NR1I2: variants seen among roughly 807,000 people sequenced by gnomAD.
NR1I2 encodes nuclear receptor subfamily 1 group I member 2.
A neutral mutation model predicts 43.3 loss-of-function variants in NR1I2; 42 were observed. The observed-to-expected ratio is 0.97, with a 90% CI of 0.76 to 1.26. The LOEUF is 1.26. Ranked by LOEUF, NR1I2 falls within the 50% of genes most tolerant of loss-of-function variation. NR1I2 has a pLI of 0.00. For synonymous variants in NR1I2, 229 were observed against 215.0 expected (o/e 1.06, Z -0.57); for missense variants, 559 against 566.7 (o/e 0.99, Z 0.14).
At chr3:119,804,090 GGC>G (rs549929295) in intron 1 of NR1I2, among the ~76,000 whole-genome samples, 63 of 150,050 alleles carry the variant, frequency 4.2e-4, no homozygotes, top group Middle Eastern at 3.4e-3. Context: ...TACATTTAAT[GGC>G]CAGGCACGGT....
At chr3:119,813,392 T>A (rs187382117) in intron 5 of NR1I2, among the ~76,000 whole-genome samples, 93 of 151,824 alleles carry the variant, frequency 6.1e-4, no homozygotes, top group African/African-American at 2.2e-3. Flanking sequence ...GGAGGGCGGG[T>A]GGTCCTCAGA....
chr3:119,809,978 G>A, intron 2 of NR1I2, 83 bp from the exon 3 acceptor site: 2 of 1,572,910 alleles, frequency 1.3e-6, no homozygotes, highest in East Asian at 2.3e-5. Context: ...AGGGGCTGGG[G>A]AGGGAGGTGG....
At chr3:119,792,085 A>AT in intron 1 of NR1I2, 1 of 753,652 alleles carries the variant, frequency 1.3e-6, no homozygotes, top group Non-Finnish European at 2.5e-6. Context: ...CAGAATGTCA[A>AT]TATCATTCCG....
intron 1 of NR1I2, among the ~76,000 whole-genome samples, chr3:119,796,954 C>CTA (rs1385670749): frequency 2.0e-5 from 3 of 152,204 alleles, no homozygotes; most frequent in South Asian, 2.1e-4. Flanking sequence ...GTGGCAAGGG[C>CTA]TAGGACATGG....
chr3:119,784,324 C>G (rs927064477), intron 1 of NR1I2, among the ~76,000 whole-genome samples: 2 of 152,168 alleles, frequency 1.3e-5, no homozygotes, highest in African/African-American at 2.4e-5. Flanking sequence ...GTTGAGCATT[C>G]TTTTTATAGG....
rs12721596 is a variant in NR1I2 at position 119,815,608 on chromosome 3, C to T, written c.1055-118C>T. ...GATGCCCAGCCCTGGTCTTCCTTCA[C>T]TTCCCTGCCTGGGTGACTCCAGCTC... On this transcript the variant is annotated intron_variant, in intron 7 of 8. Transcript: ENST00000393716. The T allele has an allele frequency of 2.8e-6, 3 of 1,066,710 alleles. No individual in the cohort carries two copies. In the African/African-American group the frequency reaches 4.7e-5, roughly 17 times the overall value. 66.1% of individuals were successfully genotyped at this position (1,066,710 alleles called of 1,614,324 possible).
chr3:119,809,426 G>A (rs1412888220), intron 2 of NR1I2, among the ~76,000 whole-genome samples: 1 of 152,056 alleles, frequency 6.6e-6, no homozygotes, highest in African/African-American at 2.4e-5. Flanking sequence ...AGGTCAACGA[G>A]GGGAATCCAC....
At chr3:119,792,455 C>T in intron 1 of NR1I2, 1 of 1,154,104 alleles carries the variant, frequency 8.7e-7, no homozygotes, top group Non-Finnish European at 1.3e-6. Flanking sequence ...GCTGTGCAAG[C>T]TGGAAGCTGC....
chr3:119,789,139 G>T (rs1186707375), intron 1 of NR1I2, among the ~76,000 whole-genome samples: 2 of 152,158 alleles, frequency 1.3e-5, no homozygotes, highest in African/African-American at 4.8e-5. Flanking sequence ...GGGAGAGAAG[G>T]AAGGCAAAAA....
intron 1 of NR1I2, among the ~76,000 whole-genome samples, chr3:119,783,387 T>G (rs1445321173): frequency 6.6e-6 from 1 of 151,846 alleles, no homozygotes; most frequent in Non-Finnish European, 1.5e-5. Flanking sequence ...ACTCTGGCCA[T>G]ATCATTAGAG....
chr3:119,801,482 C>G (rs1422220836), intron 1 of NR1I2, among the ~76,000 whole-genome samples: 2 of 152,232 alleles, frequency 1.3e-5, no homozygotes, highest in Non-Finnish European at 2.9e-5. Context: ...CAGTCACTGT[C>G]ATTTTCCTGC....
chr3:119,787,618 C>CT (rs1275107664), intron 1 of NR1I2, among the ~76,000 whole-genome samples: 1 of 149,418 alleles, frequency 6.7e-6, no homozygotes, highest in Non-Finnish European at 1.5e-5. Flanking sequence ...CCCTTACTTG[C>CT]TTTTTTCTCT....
chr3:119,802,898 T>C (rs776920892), intron 1 of NR1I2: 3 of 456,546 alleles, frequency 6.6e-6, no homozygotes, highest in South Asian at 3.1e-5. Flanking sequence ...ATGAGTGCCA[T>C]GTTCTGAATG....
chr3:119,798,341 T>C (rs937484792), intron 1 of NR1I2, among the ~76,000 whole-genome samples: 1 of 152,216 alleles, frequency 6.6e-6, no homozygotes, highest in African/African-American at 2.4e-5. Context: ...TCAGATATTG[T>C]ACTATTAATT....
In NR1I2 at chr3:119,818,328, C is replaced by T. The variant is rs1041917072; in HGVS notation, c.*1116C>T. 52 of 985,330 alleles carry T rather than the reference C, an allele frequency of 5.3e-5. No homozygotes were observed. Among genetic ancestry groups the T allele is most frequent in the Non-Finnish European group, 6.3e-5 (52 of 829,888 alleles). The allele number at this position is 985,330 out of a possible 1,614,324, so 61.0% of individuals were successfully genotyped here. On this transcript the variant is annotated 3_prime_UTR_variant, in exon 9 of 9. Transcript: ENST00000393716. ...AAGCTAAAGGGTATGAAAGTGCCTG[C>T]CTTGTTTATAGCCACTTGTGAGTAA... is the stretch of plus-strand genomic sequence containing the variant.
intron 1 of NR1I2, chr3:119,792,528 C>A (rs55764158): frequency 0.25 from 248,212 of 998,920 alleles, 34,276 homozygotes; most frequent in Admixed American, 0.44. Context: ...GCAGGGCAGT[C>A]CGTGCTCCTC....
chr3:119,808,837 C>A (rs932058800), intron 2 of NR1I2, among the ~76,000 whole-genome samples: 1 of 152,222 alleles, frequency 6.6e-6, no homozygotes, highest in East Asian at 1.9e-4. Flanking sequence ...AAATACCTAG[C>A]CTAGCATCTG....
rs565055780 is a variant in NR1I2 at position 119,803,371 on chromosome 3, G to T, written c.-22-3858G>T. Among the ~76,000 whole-genome samples the T allele has an allele frequency of 5.9e-4, 89 of 151,550 alleles. 1 individual carries two copies. The highest frequency in any genetic ancestry group is 2.0e-3 in the African/African-American group (81 of 41,302). On this transcript the variant is annotated intron_variant, in intron 1 of 8. Coordinates refer to ENST00000393716, the MANE Select transcript of NR1I2 (RefSeq NM_003889.4). ...CAAAAGAGAGAGAGAGAGAGAGAGAGAGATAGAGAGGTCCCAGAGACCCAA... is the reference window on the plus strand; with the variant it reads ...CAAAAGAGAGAGAGAGAGAGAGAGATAGATAGAGAGGTCCCAGAGACCCAA...
Position 119,810,161 on chromosome 3 carries a change from C to T in NR1I2, c.298C>T (p.Arg100Cys), listed in dbSNP as rs917173740. ...GCGACAGTGCCAGGCCTGCCGCCTG[C>T]GCAAGTGCCTGGAGAGCGGCATGAA... is the stretch of plus-strand genomic sequence containing the variant. Residue 100 changes from arginine (R) to cysteine (C), a missense_variant, in exon 3 of 9, where the codon CGC (arginine) becomes TGC (cysteine). By Grantham distance (180) the Arg-to-Cys change is radical. Around this residue, in one of 3 missense-constraint regions of NR1I2, gnomAD observed 232 missense variants for 236.6 expected, o/e 0.98. Coordinates refer to ENST00000393716, the MANE Select transcript of NR1I2 (RefSeq NM_003889.4). 1.1e-5 allele frequency: 17 copies of T among 1,612,198 alleles called. No homozygotes were observed. The African/African-American group carries it at 2.1e-4, about 20-fold the overall frequency.
Sources: gnomAD v4.1 joint callset for allele counts (sites outside exome capture counted in the v4.1 genomes callset) on GRCh38, gnomAD v4.1.1 for gene constraint, gnomAD v4.1.1 regional missense constraint, MANE v1.5 for transcripts, NCBI Gene and HGNC (gene_info 2026-07-23, HGNC 2026-07-21) for gene names.